Variants in NRG2 observed in about 807,000 individuals in gnomAD.
NRG2 encodes the protein neuregulin 2.
In NRG2, 27 loss-of-function variants were observed where a neutral mutation model predicts 73.9. The observed-to-expected ratio is 0.37, with a 90% confidence interval of 0.27 to 0.50. The LOEUF is 0.50. NRG2 is among the 20% of genes least tolerant of loss of function. NRG2 has a pLI of 0.96. For missense variants in NRG2, 1,126 were observed against 1,210.1 expected (o/e 0.93, Z 1.03); for synonymous variants, 532 against 541.0 (o/e 0.98, Z 0.23).
chr5:139,974,694 C>T (rs950692222), intron 1 of NRG2, among the ~76,000 whole-genome samples: 3 of 152,164 alleles, frequency 2.0e-5, no homozygotes, highest in Admixed American at 2.0e-4. Flanking sequence ...GCCCCTATTT[C>T]TCTTCTCCCC....
chr5:139,861,711 C>G (rs762623171), intron 5 of NRG2: 10 of 515,740 alleles, frequency 1.9e-5, no homozygotes, highest in Non-Finnish European at 7.7e-6. Context: ...CCAGGGTGTC[C>G]CAGGGCTGGT....
chr5:139,953,808 G>A (rs1754415043), intron 1 of NRG2, among the ~76,000 whole-genome samples: 1 of 152,180 alleles, frequency 6.6e-6, no homozygotes, highest in Middle Eastern at 3.2e-3. Flanking sequence ...AACCACATGA[G>A]AACCAGAAGC....
intron 1 of NRG2, among the ~76,000 whole-genome samples, chr5:139,966,521 A>T (rs781051243): frequency 7.2e-5 from 11 of 152,186 alleles, no homozygotes; most frequent in Non-Finnish European, 1.3e-4. Context: ...TTCCCAGAGG[A>T]GGGACATTCT....
intron 1 of NRG2, among the ~76,000 whole-genome samples, chr5:139,896,875 T>C (rs1343880942): frequency 2.6e-5 from 4 of 152,176 alleles, no homozygotes; most frequent in African/African-American, 9.7e-5. Flanking sequence ...GAAACCTTCC[T>C]TGGCTCTGTG....
intron 1 of NRG2, among the ~76,000 whole-genome samples, chr5:139,960,430 G>A (rs566448835): frequency 4.6e-5 from 7 of 152,132 alleles, no homozygotes; most frequent in African/African-American, 2.4e-5. Context: ...CAGGAGAATC[G>A]CTGAAACCCA....
At position 139,904,344 on chromosome 5, in the gene NRG2, C is replaced by G. The variant is rs752413786; in HGVS notation, c.701-16833G>C. The G allele has an allele frequency of 9.4e-6, 15 of 1,592,916 alleles. No individual in the cohort carries two copies. Among genetic ancestry groups the G allele is most frequent in the Admixed American group, 5.0e-5 (3 of 59,704 alleles). ...GATCGGGCTCCCTCTCCCGCTTCCTCCCCTCTGGGTGCTTCTTGCCGCGGC... is the reference window on the plus strand; with the variant it reads ...GATCGGGCTCCCTCTCCCGCTTCCTGCCCTCTGGGTGCTTCTTGCCGCGGC... On this transcript the variant is annotated intron_variant, in intron 1 of 9. Transcript: ENST00000361474. This position sits in a 1 kb window ranked among gnomAD's most constrained non-coding sequence, Gnocchi z 6.0.
In NRG2 at chr5:139,865,066, G is replaced by C; in HGVS notation, c.1189+483C>G. On this transcript the variant is annotated intron_variant, in intron 5 of 9. Transcript: ENST00000361474. This position sits in a 1 kb window ranked among gnomAD's most constrained non-coding sequence, Gnocchi z 5.2. ...GCAAGGCCCCATCCCTCCCCAGGGG[G>C]AGACTGTCAGTCACCAGGGAAGAGA... 2 of 1,509,134 alleles carry C rather than the reference G, an allele frequency of 1.3e-6. No homozygotes were observed. The highest frequency in any genetic ancestry group is 1.8e-6 in the Non-Finnish European group (2 of 1,084,552). The allele number at this position is 1,509,134 out of a possible 1,614,324, so 93.5% of individuals were successfully genotyped here.
At chr5:139,932,790 G>T (rs1027970786) in intron 1 of NRG2, among the ~76,000 whole-genome samples, 3 of 151,562 alleles carry the variant, frequency 2.0e-5, no homozygotes, top group Non-Finnish European at 2.9e-5. Context: ...AATAGAGAAA[G>T]AAATCTCCTA....
At chr5:139,906,400 C>G (rs1018161420) in intron 1 of NRG2, among the ~76,000 whole-genome samples, 1 of 152,154 alleles carries the variant, frequency 6.6e-6, no homozygotes, top group Non-Finnish European at 1.5e-5. Context: ...AAGCCCTATT[C>G]TACCTGGCCC....
rs1390256553 is a variant in NRG2, at chr5:139,904,181, C to A, written c.701-16670G>T. ...GCTCGCACGCAGGCACGCGCGCCCT[C>A]GGTGCCTGTCACCGCGGCGGCCGCT... On this transcript the variant is annotated intron_variant, in intron 1 of 9. Coordinates refer to ENST00000361474, the MANE Select transcript of NRG2 (RefSeq NM_004883.3). This position sits in a 1 kb window ranked among gnomAD's most constrained non-coding sequence, Gnocchi z 6.0. 5 of 967,894 alleles carry A rather than the reference C, an allele frequency of 5.2e-6. No homozygotes were observed. The Admixed American group carries it at 1.7e-4, about 32-fold the overall frequency. 60.0% of individuals were successfully genotyped at this position (967,894 alleles called of 1,614,324 possible).
intron 1 of NRG2, among the ~76,000 whole-genome samples, chr5:140,005,090 T>G (rs1425940589): frequency 1.3e-5 from 2 of 152,214 alleles, no homozygotes. Flanking sequence ...TCTCAGGGGA[T>G]GTAGAATTGG....
At chr5:139,973,156 C>CAAAAAAAAAAAAAAAAAA (rs58053481) in intron 1 of NRG2, among the ~76,000 whole-genome samples, 1 of 89,422 alleles carries the variant, frequency 1.1e-5, no homozygotes, top group Non-Finnish European at 2.3e-5. Context: ...TAAGAATATG[C>CAAAAAAAAAAAAAAAAAA]AAAAAAAAAA....
chr5:139,875,236 C>A (rs1263002048), intron 3 of NRG2, among the ~76,000 whole-genome samples: 1 of 152,190 alleles, frequency 6.6e-6, no homozygotes, highest in East Asian at 1.9e-4. Flanking sequence ...TGGTCTCGAT[C>A]TCCTGACCTC....
At chr5:140,002,746 T>C (rs1402597606) in intron 1 of NRG2, among the ~76,000 whole-genome samples, 1 of 152,208 alleles carries the variant, frequency 6.6e-6, no homozygotes, top group African/African-American at 2.4e-5. Context: ...GTCAGACTGC[T>C]GTGTTCAGAA....
At chr5:139,934,913 C>T (rs1752734261) in intron 1 of NRG2, among the ~76,000 whole-genome samples, 1 of 152,108 alleles carries the variant, frequency 6.6e-6, no homozygotes, top group African/African-American at 2.4e-5. Flanking sequence ...GCCTGTAATC[C>T]CAGCACTTTG....
chr5:139,849,056 G>C (rs1205540357), intron 9 of NRG2, among the ~76,000 whole-genome samples: 1 of 152,126 alleles, frequency 6.6e-6, no homozygotes, highest in Non-Finnish European at 1.5e-5. Context: ...TCAGGCTCAC[G>C]CTGGGGTACA....
rs183762055 is a variant in NRG2, at chr5:140,003,220, C to T, written c.700+39150G>A. On this transcript the variant is annotated intron_variant, in intron 1 of 9. Coordinates refer to ENST00000361474, the MANE Select transcript of NRG2 (RefSeq NM_004883.3). ...CCTGACTAAAGAAATGCAAATAAAACAAGATGTAATTATACAGAGATAGAA... is the reference window on the plus strand; with the variant it reads ...CCTGACTAAAGAAATGCAAATAAAATAAGATGTAATTATACAGAGATAGAA... 1.3e-4 allele frequency among the ~76,000 whole-genome samples: 20 copies of T among 152,264 alleles called. 1 individual carries two copies. Among genetic ancestry groups the T allele is most frequent in the Admixed American group, 5.2e-4 (8 of 15,294 alleles).
chr5:139,973,156 CA>C (rs58053481), intron 1 of NRG2, among the ~76,000 whole-genome samples: 1,813 of 89,326 alleles, frequency 0.02, 9 homozygotes, highest in African/African-American at 0.046. Flanking sequence ...TAAGAATATG[CA>C]AAAAAAAAAA....
chr5:139,904,271 G>A lies in NRG2; in HGVS notation c.701-16760C>T, dbSNP rs746106345. 1 of 1,577,878 alleles carries A rather than the reference G, an allele frequency of 6.3e-7. No individual in the cohort carries two copies. The highest frequency in any genetic ancestry group is 1.4e-5 in the African/African-American group (1 of 73,188). On this transcript the variant is annotated intron_variant, in intron 1 of 9. Coordinates refer to ENST00000361474, the MANE Select transcript of NRG2 (RefSeq NM_004883.3). The surrounding 1 kb of genome is among the most constrained non-coding windows in gnomAD (Gnocchi z 6.0). ...TGAGCGGGCGGCAGGTTTCTCCCAG[G>A]GAAACCGGGTTTCTGGGCGCGCGGA...
Sources: allele counts gnomAD v4.1 joint callset (sites outside exome capture counted in the v4.1 genomes callset), GRCh38; gene constraint gnomAD v4.1.1; non-coding constraint Gnocchi (gnomAD v3.1); transcripts MANE v1.5; gene names NCBI Gene and HGNC (gene_info 2026-07-23, HGNC 2026-07-21).